MTUS2: variants seen among roughly 807,000 people sequenced by gnomAD.
The protein encoded by MTUS2 is microtubule-associated tumor suppressor candidate 2.
Under a neutral mutation model 114.1 loss-of-function variants are expected in MTUS2, and 40 were observed. The ratio of observed to expected loss-of-function variants is 0.35; its 90% confidence interval spans 0.27 to 0.46. The LOEUF (loss-of-function observed/expected upper bound fraction) is 0.46. Ranked by LOEUF, MTUS2 falls within the 20% of genes least tolerant of loss-of-function variation. The pLI, the probability that MTUS2 is intolerant of heterozygous loss-of-function variation, is 1.00. For synonymous variants in MTUS2, 688 were observed against 672.0 expected (o/e 1.02, Z -0.37); for missense variants, 1,679 against 1,705.4 (o/e 0.98, Z 0.27).
chr13:29,417,116 G>A (rs1239508635), intron 8 of MTUS2, among the ~76,000 whole-genome samples: 1 of 152,166 alleles, frequency 6.6e-6, no homozygotes, highest in Non-Finnish European at 1.5e-5. Context: ...GTTTCTGTTT[G>A]GCTTTGGGTG....
chr13:29,320,150 C>G (rs1206583790), intron 6 of MTUS2, among the ~76,000 whole-genome samples: 1 of 152,090 alleles, frequency 6.6e-6, no homozygotes, highest in African/African-American at 2.4e-5. Flanking sequence ...CATAAGCATC[C>G]TTGTAAGAGA....
At chr13:29,056,320 G>A (rs553639016) in intron 4 of MTUS2, among the ~76,000 whole-genome samples, 39 of 151,956 alleles carry the variant, frequency 2.6e-4, no homozygotes, top group African/African-American at 6.0e-4. Context: ...TTACCCCAGC[G>A]CCATTTATTG....
chr13:29,392,761 C>T (rs931426698), intron 8 of MTUS2, among the ~76,000 whole-genome samples: 3 of 151,344 alleles, frequency 2.0e-5, no homozygotes, highest in Admixed American at 6.5e-5. Flanking sequence ...GAAAAATGTC[C>T]AGTTTCAACC....
At chr13:29,370,564 A>G (rs1041142175) in intron 8 of MTUS2, among the ~76,000 whole-genome samples, 2 of 152,156 alleles carry the variant, frequency 1.3e-5, no homozygotes, top group African/African-American at 4.8e-5. Context: ...TTTGGCTCCT[A>G]TCTTGTCCCT....
intron 9 of MTUS2, among the ~76,000 whole-genome samples, chr13:29,476,047 T>A (rs1311506437): frequency 1.3e-5 from 2 of 152,232 alleles, no homozygotes; most frequent in Admixed American, 6.5e-5. Flanking sequence ...TTATCTTTTA[T>A]ACCGTATTTT....
intron 4 of MTUS2, among the ~76,000 whole-genome samples, chr13:29,091,121 A>G (rs1889927389): frequency 6.6e-6 from 1 of 151,528 alleles, no homozygotes; most frequent in African/African-American, 2.4e-5. Context: ...TCCTCTATTG[A>G]TTCTGGATGC....
At chr13:28,940,166 A>G (rs778252915) in intron 2 of MTUS2, among the ~76,000 whole-genome samples, 1 of 152,218 alleles carries the variant, frequency 6.6e-6, no homozygotes, top group Admixed American at 6.5e-5. Flanking sequence ...ATGTTTGTGC[A>G]GTCATGTTCA....
At chr13:29,316,792 TG>T (rs2139656928) in intron 6 of MTUS2, among the ~76,000 whole-genome samples, 1 of 152,362 alleles carries the variant, frequency 6.6e-6, no homozygotes, top group African/African-American at 2.4e-5. Context: ...CCACAGAGTT[TG>T]GACAGGTGTC....
At chr13:29,475,862 A>T (rs6490407) in intron 9 of MTUS2, among the ~76,000 whole-genome samples, 107,258 of 151,864 alleles carry the variant, frequency 0.71, 41,445 homozygotes, top group Middle Eastern at 0.87. Flanking sequence ...GCACAGAAAA[A>T]TTTTTTTAAA....
chr13:28,874,218 G>A lies in MTUS2; in HGVS notation c.-243+34368G>A, dbSNP rs191388674. On this transcript the variant is annotated intron_variant, in intron 2 of 15. Transcript: ENST00000612955. ...TTTTTAGTACATCTTGGCCAGGCTG[G>A]TCTTGAACTCCTGACCTCATGATCT... 3.3e-5 allele frequency among the ~76,000 whole-genome samples: 5 copies of A among 152,108 alleles called. No individual in the cohort carries two copies. In the East Asian group the frequency reaches 9.7e-4, roughly 29 times the overall value.
chr13:29,339,710 ATC>A (rs1438111366), intron 7 of MTUS2: 6 of 190,148 alleles, frequency 3.2e-5, no homozygotes, highest in South Asian at 2.8e-4. Flanking sequence ...CTCAGGGACC[ATC>A]TCTCTCTGGA....
chr13:28,922,201 A>C (rs1266745177), intron 2 of MTUS2, among the ~76,000 whole-genome samples: 2 of 152,080 alleles, frequency 1.3e-5, no homozygotes, highest in Admixed American at 6.5e-5. Flanking sequence ...CGCTTCCACC[A>C]TGATTGTAAG....
intron 5 of MTUS2, among the ~76,000 whole-genome samples, chr13:29,171,129 TGAGAGAGA>T (rs201524689): frequency 8.3e-6 from 1 of 120,602 alleles, no homozygotes; most frequent in African/African-American, 3.1e-5. Flanking sequence ...GGTGAGTGAG[TGAGAGAGA>T]GAGAGTGTGT....
chr13:29,484,521 C>T (rs1369315195), intron 10 of MTUS2, among the ~76,000 whole-genome samples: 5 of 152,230 alleles, frequency 3.3e-5, no homozygotes. Flanking sequence ...AGGCACAGCC[C>T]CGCATGGGAT....
intron 8 of MTUS2, among the ~76,000 whole-genome samples, chr13:29,378,120 G>T (rs1042567013): frequency 6.6e-6 from 1 of 152,160 alleles, no homozygotes; most frequent in African/African-American, 2.4e-5. Flanking sequence ...AGAGATGGGG[G>T]AGTGTGTGCA....
intron 5 of MTUS2, among the ~76,000 whole-genome samples, chr13:29,148,169 AT>A (rs888258847): frequency 4.0e-5 from 5 of 125,140 alleles, no homozygotes; most frequent in African/African-American, 1.2e-4. Context: ...TGTGGTTTTG[AT>A]TTTTTTTTCT....
chr13:28,878,683 AG>A (rs1449187774), intron 2 of MTUS2, among the ~76,000 whole-genome samples: 4 of 152,222 alleles, frequency 2.6e-5, no homozygotes, highest in Non-Finnish European at 4.4e-5. Flanking sequence ...ATGGCTGCAT[AG>A]TATTCTATGG....
intron 2 of MTUS2, among the ~76,000 whole-genome samples, chr13:28,951,895 T>A (rs1882828475): frequency 6.6e-6 from 1 of 152,132 alleles, no homozygotes; most frequent in Non-Finnish European, 1.5e-5. Flanking sequence ...TATCTGTTAG[T>A]AGGTGATGCC....
intron 2 of MTUS2, among the ~76,000 whole-genome samples, chr13:28,913,695 A>G (rs1205819445): frequency 6.6e-6 from 1 of 152,098 alleles, no homozygotes; most frequent in African/African-American, 2.4e-5. Flanking sequence ...AAATGGTACC[A>G]GCTCTTCTTT....
Sources: allele counts gnomAD v4.1 joint callset (sites outside exome capture counted in the v4.1 genomes callset), GRCh38; gene constraint gnomAD v4.1.1; transcripts MANE v1.5; gene names NCBI Gene and HGNC (gene_info 2026-07-23, HGNC 2026-07-21).